The following CHST11 variants were observed in gnomAD, a reference collection of about 807,000 sequenced individuals.
CHST11 encodes C4S-1.
A neutral mutation model predicts 30.4 loss-of-function variants in CHST11; 9 were observed. That is an observed-to-expected ratio of 0.30 (90% CI 0.18 to 0.52). CHST11 has a LOEUF of 0.52. Among genes scored for constraint, CHST11 ranks in the 20% least tolerant of loss-of-function variants. CHST11 has a pLI of 0.97. For synonymous variants in CHST11, 152 were observed against 187.8 expected (o/e 0.81, Z 1.56); for missense variants, 348 against 460.6 (o/e 0.76, Z 2.24).
At position 104,740,638 on chromosome 12, in the gene CHST11, T is replaced by C. The variant is rs1036356800; in HGVS notation, c.205-16311T>C. Reference sequence around the variant, plus strand: ...AAGGTATTTTGTAACTCTGAAGTTCTGGGTTCTAAGGACTCTGAGATGCAA... The same window carrying C: ...AAGGTATTTTGTAACTCTGAAGTTCCGGGTTCTAAGGACTCTGAGATGCAA... On this transcript the variant is annotated intron_variant, in intron 2 of 2. Transcript: ENST00000303694. 5.3e-5 allele frequency among the ~76,000 whole-genome samples: 8 copies of C among 152,346 alleles called. 1 individual carries two copies. Among genetic ancestry groups the C allele is most frequent in the East Asian group, 1.9e-4 (1 of 5,192 alleles).
At chr12:104,466,221 A>G (rs1190499765) in intron 1 of CHST11, among the ~76,000 whole-genome samples, 1 of 152,182 alleles carries the variant, frequency 6.6e-6, no homozygotes, top group Non-Finnish European at 1.5e-5. Flanking sequence ...TTATAGAGGC[A>G]TAAGGGGGCT....
At chr12:104,491,665 A>G (rs1017418640) in intron 1 of CHST11, among the ~76,000 whole-genome samples, 2 of 152,108 alleles carry the variant, frequency 1.3e-5, no homozygotes, top group Middle Eastern at 3.4e-3. Flanking sequence ...TTCAATAGAG[A>G]CAGTGTCTTG....
chr12:104,706,521 G>GA (rs1444398214), intron 2 of CHST11, among the ~76,000 whole-genome samples: 1 of 152,086 alleles, frequency 6.6e-6, no homozygotes, highest in Non-Finnish European at 1.5e-5. Context: ...TCACTGAGTA[G>GA]ATGGCATTTG....
intron 2 of CHST11, among the ~76,000 whole-genome samples, chr12:104,637,003 AAAG>A (rs925141389): frequency 6.6e-6 from 1 of 152,074 alleles, no homozygotes; most frequent in Admixed American, 6.6e-5. Context: ...TGCTTTTAAA[AAAG>A]AAAGACCCTT....
Position 104,606,911 on chromosome 12 carries a change from T to C in CHST11, c.204+4920T>C, listed in dbSNP as rs890330212. Among the ~76,000 whole-genome samples the C allele has an allele frequency of 2.6e-5, 4 of 151,910 alleles. No homozygotes were observed. In the East Asian group the frequency reaches 7.7e-4, roughly 29 times the overall value. On this transcript the variant is annotated intron_variant, in intron 2 of 2. Transcript: ENST00000303694. Reference sequence around the variant, plus strand: ...AGTGAAATGTCGTCTCTACCAAAAATACAAAAATTCGCCCGGCATGGTGGC... The same window carrying C: ...AGTGAAATGTCGTCTCTACCAAAAACACAAAAATTCGCCCGGCATGGTGGC...
intron 2 of CHST11, among the ~76,000 whole-genome samples, chr12:104,680,852 G>A (rs1192557427): frequency 6.6e-6 from 1 of 152,236 alleles, no homozygotes; most frequent in Non-Finnish European, 1.5e-5. Flanking sequence ...TGTGAGTGAA[G>A]GGTTCAGGTG....
At chr12:104,747,788 G>T (rs2040399889) in intron 2 of CHST11, among the ~76,000 whole-genome samples, 1 of 152,124 alleles carries the variant, frequency 6.6e-6, no homozygotes, top group Non-Finnish European at 1.5e-5. Flanking sequence ...CTATTTGCCT[G>T]CATGTCCCCC....
chr12:104,547,982 T>C (rs955840003), intron 1 of CHST11, among the ~76,000 whole-genome samples: 4 of 152,118 alleles, frequency 2.6e-5, no homozygotes, highest in Non-Finnish European at 4.4e-5. Flanking sequence ...GGTGAAGCTG[T>C]TGGGATCCTT....
chr12:104,500,835 A>T (rs2037846524), intron 1 of CHST11, among the ~76,000 whole-genome samples: 2 of 152,162 alleles, frequency 1.3e-5, no homozygotes, highest in African/African-American at 2.4e-5. Flanking sequence ...GAGTAGTGGA[A>T]ATGAACTATT....
At chr12:104,603,921 T>TG (rs1341419356) in intron 2 of CHST11, among the ~76,000 whole-genome samples, 1 of 152,264 alleles carries the variant, frequency 6.6e-6, no homozygotes, top group African/African-American at 2.4e-5. Flanking sequence ...TGCTCCTTCA[T>TG]GGGTTCATTC....
At chr12:104,717,435 T>G (rs1453032760) in intron 2 of CHST11, among the ~76,000 whole-genome samples, 1 of 152,122 alleles carries the variant, frequency 6.6e-6, no homozygotes, top group African/African-American at 2.4e-5. Flanking sequence ...ATTTTTTTAG[T>G]CATTTTCCGG....
chr12:104,701,384 T>C (rs541294762), intron 2 of CHST11, among the ~76,000 whole-genome samples: 42 of 152,124 alleles, frequency 2.8e-4, no homozygotes, highest in Non-Finnish European at 5.0e-4. Context: ...AAATAAATCA[T>C]TGAGGTTGAA....
intron 1 of CHST11, among the ~76,000 whole-genome samples, chr12:104,563,333 C>T (rs1004159920): frequency 1.9e-4 from 29 of 152,164 alleles, no homozygotes; most frequent in African/African-American, 5.3e-4. Context: ...CCACTGTGCT[C>T]GGCCATTGTT....
intron 1 of CHST11, among the ~76,000 whole-genome samples, chr12:104,594,364 A>G (rs1272108440): frequency 6.6e-6 from 1 of 152,180 alleles, no homozygotes; most frequent in Non-Finnish European, 1.5e-5. Flanking sequence ...ATGAAATCTC[A>G]CAGAGATAGT....
chr12:104,488,413 GTA>G (rs2037705993), intron 1 of CHST11, among the ~76,000 whole-genome samples: 1 of 151,246 alleles, frequency 6.6e-6, no homozygotes, highest in Non-Finnish European at 1.5e-5. Flanking sequence ...CCAGGTATGT[GTA>G]TGTGTCTATG....
intron 1 of CHST11, among the ~76,000 whole-genome samples, chr12:104,529,932 C>T (rs955817314): frequency 2.6e-5 from 4 of 151,986 alleles, no homozygotes; most frequent in Non-Finnish European, 5.9e-5. Context: ...CTGAGGTGGG[C>T]GGATCACTTG....
At chr12:104,582,270 C>G (rs1015030460) in intron 1 of CHST11, among the ~76,000 whole-genome samples, 1 of 152,126 alleles carries the variant, frequency 6.6e-6, no homozygotes, top group South Asian at 2.1e-4. Flanking sequence ...GAAGATCACT[C>G]TGCTGGCCAG....
chr12:104,736,562 A>T (rs762646215), intron 2 of CHST11, among the ~76,000 whole-genome samples: 2 of 152,118 alleles, frequency 1.3e-5, no homozygotes, highest in Non-Finnish European at 1.5e-5. Context: ...TTTGAAGAGC[A>T]CCCCAGGCTG....
intron 1 of CHST11, among the ~76,000 whole-genome samples, chr12:104,487,279 CTT>C (rs2037689077): frequency 6.6e-6 from 1 of 152,090 alleles, no homozygotes; most frequent in Non-Finnish European, 1.5e-5. Context: ...TTTTGTTTTT[CTT>C]GAGACAGGGT....
Sources: allele counts gnomAD v4.1 joint callset (sites outside exome capture counted in the v4.1 genomes callset), GRCh38; gene constraint gnomAD v4.1.1; transcripts MANE v1.5; gene names NCBI Gene and HGNC (gene_info 2026-07-23, HGNC 2026-07-21).